FAT2: variants seen among roughly 807,000 people sequenced by gnomAD.
FAT2 encodes the protein FAT atypical cadherin 2, also known as protocadherin Fat 2.
FAT2 carries 150 observed loss-of-function variants against 295.3 expected under a neutral mutation model. That is an observed-to-expected ratio of 0.51 (90% confidence interval 0.44 to 0.58). FAT2 has a LOEUF of 0.58. Among genes scored for constraint, FAT2 ranks in the 20% least tolerant of loss-of-function variants. The probability of loss-of-function intolerance (pLI) is 0.00; values close to 1 mark genes in which losing one functional copy is unlikely to be tolerated. For missense variants in FAT2, 4,868 were observed against 5,442.7 expected (o/e 0.89, Z 3.32); for synonymous variants, 2,026 against 2,150.3 (o/e 0.94, Z 1.60).
chr5:151,571,938 T>G (rs1561881619), intron 1 of FAT2, among the ~76,000 whole-genome samples: 1 of 152,158 alleles, frequency 6.6e-6, no homozygotes, highest in Admixed American at 6.5e-5. Flanking sequence ...CTTCTCCAGT[T>G]CACAAGCTGC....
intron 12 of FAT2, among the ~76,000 whole-genome samples, chr5:151,534,910 C>T (rs1188152105): frequency 6.8e-6 from 1 of 146,958 alleles, no homozygotes; most frequent in Non-Finnish European, 1.5e-5. Context: ...GCCAATTAGG[C>T]AATTTCTAAC....
chr5:151,590,470 G>T (rs1759355609), intron 1 of FAT2, among the ~76,000 whole-genome samples: 3 of 152,178 alleles, frequency 2.0e-5, no homozygotes, highest in Admixed American at 6.5e-5. Flanking sequence ...ATATGCATCA[G>T]ATTTCTGCTT....
upstream of FAT2, among the ~76,000 whole-genome samples, chr5:151,593,661 C>T (rs1035061524): frequency 6.6e-6 from 1 of 152,142 alleles, no homozygotes; most frequent in African/African-American, 2.4e-5. Context: ...TTCCACTCCC[C>T]TTTGTGAGCA....
chr5:151,509,136 G>A (rs1389631767), intron 22 of FAT2, among the ~76,000 whole-genome samples: 1 of 152,172 alleles, frequency 6.6e-6, no homozygotes, highest in Non-Finnish European at 1.5e-5. Context: ...ACCTGCCCAA[G>A]TGGAACCATT....
Position 151,544,918 on chromosome 5 carries a change from A to G in FAT2, c.6209T>C (p.Phe2070Ser), listed in dbSNP as rs1158093343. The G allele has an allele frequency of 1.2e-6, 2 of 1,614,086 alleles. No homozygotes were observed. The highest frequency in any genetic ancestry group is 1.6e-4 in the Middle Eastern group (1 of 6,062). ...GATTGTGTAATAGGGCAGATGCTTA[A>G]ATTTGGGGGGATTGTCATTGACATC... ...IEDVNDNPPK[F>S]KHLPYYTIIQ... is the part of the protein sequence containing the mutation. The change falls in exon 10 of 24, where the codon TTT (phenylalanine) becomes TCT (serine). Residue 2070 changes from phenylalanine to serine, a missense_variant. Coordinates refer to ENST00000261800, the MANE Select transcript of FAT2 (RefSeq NM_001447.3).
intron 1 of FAT2, among the ~76,000 whole-genome samples, chr5:151,583,997 CAAAAAAAA>C (rs35453556): frequency 4.3e-5 from 2 of 46,044 alleles, no homozygotes; most frequent in African/African-American, 2.0e-4. Context: ...GGCTCTGTCT[CAAAAAAAA>C]AAAAAAAAAA....
rs1268443671 is a variant in FAT2, at chr5:151,566,379, G to T, written c.2553C>A (p.Asp851Glu). 6.2e-7 allele frequency: 1 copy of T among 1,614,032 alleles called. No individual in the cohort carries two copies. Among genetic ancestry groups the T allele is most frequent in the South Asian group, 1.1e-5 (1 of 91,052 alleles). ...ELTTKDADSE[D>E]NGRVRYTLLS... is the part of the protein sequence containing the mutation. ...GCAGGGTGTAGCGAACCCTGCCATT[G>T]TCTTCCGAGTCAGCATCTTTGGTTG... is the stretch of plus-strand genomic sequence containing the variant. The change falls in exon 2 of 24, where the codon GAC becomes GAA. Residue 851 changes from aspartate to glutamate, a missense_variant. Coordinates refer to ENST00000261800, the MANE Select transcript of FAT2 (RefSeq NM_001447.3).
intron 1 of FAT2, among the ~76,000 whole-genome samples, chr5:151,582,184 G>A (rs1758984197): frequency 1.3e-5 from 2 of 152,224 alleles, no homozygotes; most frequent in African/African-American, 4.8e-5. Context: ...AGTAACCCAA[G>A]GTGCATACTA....
Position 151,551,978 on chromosome 5 carries a change from T to G in FAT2, c.4157-372A>C, listed in dbSNP as rs1044917964. Among the ~76,000 whole-genome samples, 101 of 136,356 alleles carry G rather than the reference T, an allele frequency of 7.4e-4. 1 individual carries two copies. The highest frequency in any genetic ancestry group is 1.2e-3 in the African/African-American group (45 of 36,272). The allele number at this position is 136,356 out of a possible 152,430, so 89.5% of individuals were successfully genotyped here. A position where few individuals can be genotyped will look rare whatever the true frequency, so the allele number is the denominator to read the frequency against. The stretch of plus-strand genomic sequence containing the variant: ...CAATACTTTAATATAACCCTAAGGG[T>G]GTGTGTGTGTGTGTGTGTGTGTGTG... On this transcript the variant is annotated intron_variant, in intron 6 of 23. Transcript: ENST00000261800.
Position 151,586,404 on chromosome 5 carries a change from G to A in FAT2, c.-21+4761C>T, listed in dbSNP as rs556668615. ...AGGGGCCGCCCAGGAACAGAAAAAG[G>A]GGCAAGGGAAGATTTCTGTCTTTTG... is the stretch of plus-strand genomic sequence containing the variant. On this transcript the variant is annotated intron_variant, in intron 1 of 23. Coordinates refer to ENST00000261800, the MANE Select transcript of FAT2 (RefSeq NM_001447.3). 3.9e-5 allele frequency among the ~76,000 whole-genome samples: 6 copies of A among 152,308 alleles called. No individual in the cohort carries two copies. In the South Asian group the frequency reaches 1.2e-3, roughly 32 times the overall value.
chr5:151,507,491 G>A lies in FAT2; in HGVS notation c.12180C>T (p.Ile4060=). 1 of 1,614,164 alleles carries A rather than the reference G, an allele frequency of 6.2e-7. No individual in the cohort carries two copies. Among genetic ancestry groups the A allele is most frequent in the Non-Finnish European group, 8.5e-7 (1 of 1,180,034 alleles). ...AGAAGAGAAGCCCGACAGTGCTTAT[G>A]ATAATGAACGCCACGGCCACTGTGA... ...LIITVAVAFI[I]ISTVGLLFYC... is the part of the protein sequence containing the mutation. Residue 4060 remains isoleucine, a synonymous_variant, in exon 23 of 24, where the codon ATC becomes ATT. Transcript: ENST00000261800.
intron 8 of FAT2, 82 bp downstream of exon 8, chr5:151,550,508 A>G: frequency 6.8e-7 from 1 of 1,461,942 alleles, no homozygotes; most frequent in South Asian, 1.3e-5. Context: ...GGGAAGGGGG[A>G]CCTTCAGCAT....
chr5:151,588,928 T>A (rs1004380857), intron 1 of FAT2, among the ~76,000 whole-genome samples: 1 of 152,188 alleles, frequency 6.6e-6, no homozygotes, highest in Admixed American at 6.5e-5. Context: ...ATCTTTCAAA[T>A]GAGGAGCCTG....
intron 1 of FAT2, among the ~76,000 whole-genome samples, chr5:151,572,052 TG>T (rs1181023530): frequency 7.9e-5 from 12 of 152,228 alleles, no homozygotes; most frequent in African/African-American, 2.7e-4. Flanking sequence ...TCAGCTTAAA[TG>T]TCACCTCCTG....
rs2127607434 is a variant in FAT2 at position 151,543,365 on chromosome 5, A to G, written c.7762T>C (p.Ser2588Pro). Residue 2588 changes from serine to proline, a missense_variant, in exon 10 of 24, where the codon TCT becomes CCT. By Grantham distance (74) the Ser-to-Pro change is moderately conservative. Around this residue, in one of 5 missense-constraint regions of FAT2, gnomAD observed 3,297 missense variants for 3,669.4 expected, o/e 0.90. Coordinates refer to ENST00000261800, the MANE Select transcript of FAT2 (RefSeq NM_001447.3). ...ENDNPPQFKA[S>P]EYTVSIQSNV... ...GATTGAATGGATACTGTGTACTCAG[A>G]TGCTTTGAACTGTGGGGGGTTGTCA... is the stretch of plus-strand genomic sequence containing the variant. 1 of 1,614,158 alleles carries G rather than the reference A, an allele frequency of 6.2e-7. No individual in the cohort carries two copies. Among genetic ancestry groups the G allele is most frequent in the Non-Finnish European group, 8.5e-7 (1 of 1,180,034 alleles).
Position 151,545,789 on chromosome 5 carries a change from T to TA in FAT2, c.5337dup (p.Lys1780Ter). Reference sequence around the variant, plus strand: ...TGAATCACAAAGGGGTTGTTGTTTTTATCCATGATCATGCTATACAGTGGA... The same window carrying TA: ...TGAATCACAAAGGGGTTGTTGTTTTTAATCCATGATCATGCTATACAGTGGA... On this transcript the variant is annotated frameshift_variant, in exon 10 of 24. Coordinates refer to ENST00000261800, the MANE Select transcript of FAT2 (RefSeq NM_001447.3). LOFTEE classifies it high-confidence loss of function. The TA allele has an allele frequency of 6.2e-7, 1 of 1,614,212 alleles. No individual in the cohort carries two copies. The highest frequency in any genetic ancestry group is 8.5e-7 in the Non-Finnish European group (1 of 1,180,044).
Position 151,566,898 on chromosome 5 carries a change from T to C in FAT2, c.2034A>G (p.Gln678=), listed in dbSNP as rs1251730312. Reference sequence around the variant, plus strand: ...TAAAGTGGAGGATAGTCTTTGTGAATTGTGTCAATACCCCTGTTTTATCAC... The same window carrying C: ...TAAAGTGGAGGATAGTCTTTGTGAACTGTGTCAATACCCCTGTTTTATCAC... ...VTCDKTGVLT[Q]FTKTILHFIG... is the part of the protein sequence containing the mutation. Residue 678 remains glutamine, a synonymous_variant, in exon 2 of 24, where the codon CAA becomes CAG. Coordinates refer to ENST00000261800, the MANE Select transcript of FAT2 (RefSeq NM_001447.3). 2 of 1,614,210 alleles carry C rather than the reference T, an allele frequency of 1.2e-6. No individual in the cohort carries two copies. Among genetic ancestry groups the C allele is most frequent in the South Asian group, 1.1e-5 (1 of 91,078 alleles).
At chr5:151,583,450 T>C (rs1759043849) in intron 1 of FAT2, among the ~76,000 whole-genome samples, 1 of 152,190 alleles carries the variant, frequency 6.6e-6, no homozygotes, top group African/African-American at 2.4e-5. Context: ...TATTAAAAAG[T>C]ACATACTGTG....
chr5:151,535,656 AAAG>A (rs1157116904), intron 12 of FAT2, among the ~76,000 whole-genome samples: 5 of 152,210 alleles, frequency 3.3e-5, no homozygotes, highest in African/African-American at 1.2e-4. Flanking sequence ...AATCGAACCC[AAAG>A]AAGGAGTCGT....
Sources: allele counts gnomAD v4.1 joint callset (sites outside exome capture counted in the v4.1 genomes callset), GRCh38; gene constraint gnomAD v4.1.1; regional missense constraint gnomAD v4.1.1; transcripts MANE v1.5; gene names NCBI Gene and HGNC (gene_info 2026-07-23, HGNC 2026-07-21).